ADARB2: variants seen among roughly 807,000 people sequenced by gnomAD.
The protein encoded by ADARB2 is adenosine deaminase RNA specific B2 (inactive), also known as inactive double-stranded RNA-specific editase B2.
Under a neutral mutation model 62.2 loss-of-function variants are expected in ADARB2, and 25 were observed. The ratio of observed to expected loss-of-function variants is 0.40; its 90% CI spans 0.29 to 0.56. The LOEUF is 0.56. Among genes scored for constraint, ADARB2 ranks in the 20% least tolerant of loss-of-function variants. The probability of loss-of-function intolerance (pLI) is 0.43; values close to 1 mark genes in which losing one functional copy is unlikely to be tolerated. For missense variants in ADARB2, 1,071 were observed against 1,077.4 expected (o/e 0.99, Z 0.08); for synonymous variants, 572 against 500.8 (o/e 1.14, Z -1.90).
intron 3 of ADARB2, among the ~76,000 whole-genome samples, chr10:1,338,547 G>C (rs570893456): frequency 6.6e-6 from 1 of 152,194 alleles, no homozygotes; most frequent in Non-Finnish European, 1.5e-5. Flanking sequence ...GAATGACGCA[G>C]GGTTTTAAAA....
At chr10:1,385,261 G>A (rs901985918) in intron 1 of ADARB2, among the ~76,000 whole-genome samples, 1 of 152,120 alleles carries the variant, frequency 6.6e-6, no homozygotes, top group South Asian at 2.1e-4. Flanking sequence ...ATTGCTAGAA[G>A]TGAGAAGCAG....
intron 1 of ADARB2, among the ~76,000 whole-genome samples, chr10:1,476,655 G>A (rs766868270): frequency 3.3e-5 from 5 of 152,238 alleles, no homozygotes; most frequent in African/African-American, 1.2e-4. Flanking sequence ...CCATCTGACC[G>A]CCGTTTCCAT....
intron 3 of ADARB2, among the ~76,000 whole-genome samples, chr10:1,349,064 C>T (rs1251166049): frequency 6.6e-6 from 1 of 152,184 alleles, no homozygotes; most frequent in African/African-American, 2.4e-5. Context: ...CTGTGACCTG[C>T]AGGTACACAT....
intron 1 of ADARB2, among the ~76,000 whole-genome samples, chr10:1,448,000 T>C (rs543499910): frequency 6.6e-6 from 1 of 152,344 alleles, no homozygotes; most frequent in African/African-American, 2.4e-5. Flanking sequence ...TCAGGTTGAT[T>C]CCATGTATTT....
intron 1 of ADARB2, among the ~76,000 whole-genome samples, chr10:1,577,078 C>T (rs1323942345): frequency 6.6e-6 from 1 of 152,184 alleles, no homozygotes; most frequent in Admixed American, 6.5e-5. Context: ...ACGAAGGACC[C>T]TCCAACTTTC....
Position 1,727,296 on chromosome 10 carries a change from C to T in ADARB2, c.100+9755G>A, listed in dbSNP as rs142700138. On this transcript the variant is annotated intron_variant, in intron 1 of 9. Coordinates refer to ENST00000381312, the MANE Select transcript of ADARB2 (RefSeq NM_018702.4). The stretch of plus-strand genomic sequence containing the variant: ...CAGCACCCACACCTGCGGGGAGCCC[C>T]GCAGAGCAAAACCAAGGAAGATGTC... 4.2e-3 allele frequency among the ~76,000 whole-genome samples: 637 copies of T among 152,218 alleles called. 8 individuals are homozygous for T. The highest frequency in any genetic ancestry group is 5.7e-3 in the Non-Finnish European group (386 of 68,018).
At chr10:1,580,650 G>A (rs1452877764) in intron 1 of ADARB2, among the ~76,000 whole-genome samples, 1 of 152,148 alleles carries the variant, frequency 6.6e-6, no homozygotes, top group Non-Finnish European at 1.5e-5. Context: ...CTTACGCTTG[G>A]TGTTGAACCT....
intron 1 of ADARB2, among the ~76,000 whole-genome samples, chr10:1,552,867 T>G (rs2131979568): frequency 6.6e-6 from 1 of 152,326 alleles, no homozygotes; most frequent in African/African-American, 2.4e-5. Flanking sequence ...TTTATTGGCC[T>G]AGATTTTCTG....
chr10:1,264,412 T>C (rs1831174453), intron 4 of ADARB2, among the ~76,000 whole-genome samples: 1 of 152,248 alleles, frequency 6.6e-6, no homozygotes, highest in Non-Finnish European at 1.5e-5. Context: ...CTTGTGAAGA[T>C]GAACTTACAC....
chr10:1,199,891 G>C (rs569032675), intron 8 of ADARB2, 75 bp downstream of exon 8: 2 of 1,389,616 alleles, frequency 1.4e-6, no homozygotes, highest in African/African-American at 2.9e-5. Context: ...TGCGAGGGAT[G>C]GCACCGCCGG....
chr10:1,598,791 C>T (rs1833371613), intron 1 of ADARB2, among the ~76,000 whole-genome samples: 1 of 152,238 alleles, frequency 6.6e-6, no homozygotes, highest in Admixed American at 6.5e-5. Flanking sequence ...GCCCTCTGGT[C>T]AGGAGGCAGA....
intron 1 of ADARB2, among the ~76,000 whole-genome samples, chr10:1,613,979 T>A (rs1479413904): frequency 2.0e-5 from 3 of 152,210 alleles, no homozygotes; most frequent in Admixed American, 2.0e-4. Flanking sequence ...AGATAATAAC[T>A]TTGTTTGACT....
chr10:1,267,000 T>TA lies in ADARB2; in HGVS notation c.1192+3954dup, dbSNP rs528558875. 3.2e-4 allele frequency among the ~76,000 whole-genome samples: 49 copies of TA among 152,064 alleles called. 2 individuals are homozygous for TA. In the South Asian group the frequency reaches 7.9e-3, roughly 25 times the overall value. ...TTTAAAAGTAAAAGCAGAAAATTAATAGAGTGTTGCAAATTTAACAAAAAT... is the reference window on the plus strand; with the variant it reads ...TTTAAAAGTAAAAGCAGAAAATTAATAAGAGTGTTGCAAATTTAACAAAAAT... On this transcript the variant is annotated intron_variant, in intron 4 of 9. Coordinates refer to ENST00000381312, the MANE Select transcript of ADARB2 (RefSeq NM_018702.4).
At chr10:1,356,575 T>C (rs558319047) in intron 3 of ADARB2, among the ~76,000 whole-genome samples, 1 of 152,288 alleles carries the variant, frequency 6.6e-6, no homozygotes, top group Admixed American at 6.5e-5. Context: ...CTGGGGATGA[T>C]GGAGGGGAGT....
chr10:1,591,231 C>T (rs1407935083), intron 1 of ADARB2, among the ~76,000 whole-genome samples: 10 of 152,162 alleles, frequency 6.6e-5, no homozygotes, highest in African/African-American at 1.7e-4. Context: ...TGAATCCAGA[C>T]GCAGCACCAG....
At chr10:1,471,757 C>T (rs1160486963) in intron 1 of ADARB2, among the ~76,000 whole-genome samples, 1 of 152,138 alleles carries the variant, frequency 6.6e-6, no homozygotes, top group Non-Finnish European at 1.5e-5. Context: ...TGGTGAAATA[C>T]TTTTGCATCC....
At chr10:1,218,484 G>A (rs1046057406) in intron 6 of ADARB2, among the ~76,000 whole-genome samples, 5 of 152,184 alleles carry the variant, frequency 3.3e-5, no homozygotes, top group Non-Finnish European at 5.9e-5. Context: ...AATATTAAAT[G>A]CTTTCTTTAG....
chr10:1,233,668 C>T (rs1220396348), intron 6 of ADARB2, 26 bp downstream of exon 6: 7 of 1,591,392 alleles, frequency 4.4e-6, no homozygotes, highest in South Asian at 3.4e-5. Flanking sequence ...TGTTGGCCTA[C>T]AGAAGGTAAA....
chr10:1,314,510 T>C (rs1214746568), intron 3 of ADARB2, among the ~76,000 whole-genome samples: 7 of 152,096 alleles, frequency 4.6e-5, no homozygotes, highest in South Asian at 4.1e-4. Context: ...CCACGGCCAG[T>C]GCCCCTCCAT....
Sources: allele counts gnomAD v4.1 joint callset (sites outside exome capture counted in the v4.1 genomes callset), GRCh38; gene constraint gnomAD v4.1.1; transcripts MANE v1.5; gene names NCBI Gene and HGNC (gene_info 2026-07-23, HGNC 2026-07-21).